POF1B: variants seen among roughly 807,000 people sequenced by gnomAD.
The protein encoded by POF1B is POF1B actin binding protein.
In POF1B, 53 loss-of-function variants were observed where a neutral mutation model predicts 55.3. That is an observed-to-expected ratio of 0.96 (90% CI 0.77 to 1.20). The LOEUF (loss-of-function observed/expected upper bound fraction) is 1.20, where lower values mean the gene tolerates loss of function less well. POF1B is among the 50% of genes most tolerant of loss of function. POF1B has a pLI of 0.00. For synonymous variants in POF1B, 188 were observed against 148.3 expected (o/e 1.27, Z -1.95); for missense variants, 478 against 420.5 (o/e 1.14, Z -1.20).
rs1931823260 is a variant in POF1B at position 85,278,347 on chromosome X, A to G, written c.*1074T>C. 1 of 111,369 alleles carries G rather than the reference A, an allele frequency of 9.0e-6. No individual in the cohort carries two copies. Among genetic ancestry groups the G allele is most frequent in the African/African-American group, 3.2e-5 (1 of 30,797 alleles). 9.2% of individuals were successfully genotyped at this position (111,369 alleles called of 1,213,427 possible). ...TTGTTGCCTTAATCTATACTTGGAC[A>G]AAGGCAACATTTTAATTTTTGCTAA... is the stretch of plus-strand genomic sequence containing the variant. On this transcript the variant is annotated 3_prime_UTR_variant, in exon 17 of 17. Transcript: ENST00000262753.
chrX:85,320,759 T>C (rs913028632), intron 7 of POF1B, among the ~76,000 whole-genome samples: 1 of 111,298 alleles, frequency 9.0e-6, no homozygotes, highest in African/African-American at 3.3e-5. Context: ...ATAAAGGGGA[T>C]ATTGCCACCA....
chrX:85,288,827 A>G (rs73234678), intron 15 of POF1B, among the ~76,000 whole-genome samples: 12,312 of 111,278 alleles, frequency 0.11, 569 homozygotes, highest in South Asian at 0.17. Flanking sequence ...GCTATGTGGA[A>G]CTGTTAAGTT....
intron 7 of POF1B, among the ~76,000 whole-genome samples, chrX:85,326,922 C>T (rs968108032): frequency 1.8e-5 from 2 of 110,357 alleles, no homozygotes; most frequent in Non-Finnish European, 3.8e-5. Flanking sequence ...TCTGGGGCCG[C>T]GGGAGAAGGC....
intron 15 of POF1B, among the ~76,000 whole-genome samples, chrX:85,291,295 A>G (rs762603368): frequency 1.8e-5 from 2 of 111,454 alleles, no homozygotes; most frequent in African/African-American, 6.5e-5. Flanking sequence ...TGGTCTATGT[A>G]TCTGTTCTTG....
At position 85,279,395 on chromosome X, in the gene POF1B, G is replaced by A; in HGVS notation, c.*26C>T. On this transcript the variant is annotated 3_prime_UTR_variant, in exon 17 of 17. Coordinates refer to ENST00000262753, the MANE Select transcript of POF1B (RefSeq NM_024921.4). The stretch of plus-strand genomic sequence containing the variant: ...ACACACAAAAAAAAAACGGCTTTGA[G>A]TTGTAATACTTTAAAGTGGATCCAT... 2 of 1,177,410 alleles carry A rather than the reference G, an allele frequency of 1.7e-6. No individual in the cohort carries two copies. The highest frequency in any genetic ancestry group is 3.5e-5 in the African/African-American group (2 of 56,423).
At chrX:85,350,481 T>C (rs1464436216) in intron 5 of POF1B, among the ~76,000 whole-genome samples, 12 of 103,603 alleles carry the variant, frequency 1.2e-4, no homozygotes, top group Non-Finnish European at 2.0e-4. Flanking sequence ...TGAATAGTGC[T>C]GCAATAAACA....
intron 9 of POF1B, among the ~76,000 whole-genome samples, chrX:85,308,670 G>GT (rs1002777120): frequency 4.5e-5 from 5 of 110,173 alleles, no homozygotes; most frequent in Non-Finnish European, 7.6e-5. Context: ...AATATTTTTG[G>GT]TTTTTTTTGT....
chrX:85,322,798 A>C (rs1314167063), intron 7 of POF1B, among the ~76,000 whole-genome samples: 1 of 111,978 alleles, frequency 8.9e-6, no homozygotes, highest in African/African-American at 3.3e-5. Context: ...ATGAACAGAC[A>C]CTTCTCAAAA....
chrX:85,369,227 T>A (rs2147950856), intron 2 of POF1B, among the ~76,000 whole-genome samples: 1 of 111,440 alleles, frequency 9.0e-6, no homozygotes, highest in East Asian at 2.8e-4. Context: ...ATGCAGAGAA[T>A]TACAGATTAT....
intron 6 of POF1B, among the ~76,000 whole-genome samples, chrX:85,342,576 C>T (rs898552965): frequency 2.7e-5 from 3 of 111,256 alleles, no homozygotes; most frequent in Non-Finnish European, 3.8e-5. Flanking sequence ...ACTGAGGTTC[C>T]GTCCAGCTAA....
Position 85,351,336 on chromosome X carries a change from A to C in POF1B, c.540+14T>G, listed in dbSNP as rs2089837611. The C allele has an allele frequency of 9.1e-7, 1 of 1,102,748 alleles. No homozygotes were observed. Among genetic ancestry groups the C allele is most frequent in the African/African-American group, 1.8e-5 (1 of 54,164 alleles). 90.9% of individuals were successfully genotyped at this position (1,102,748 alleles called of 1,213,427 possible). On this transcript the variant is annotated intron_variant, in intron 5 of 16. Transcript: ENST00000262753. ...TACACTTAAAAACAAGTTTTAAAAC[A>C]AAATATTACTTACCTGATCAGTATT...
chrX:85,328,298 G>A (rs183580535), intron 7 of POF1B, among the ~76,000 whole-genome samples: 3,574 of 108,029 alleles, frequency 0.033, 146 homozygotes, highest in African/African-American at 0.11. Flanking sequence ...TCCGCCTCCC[G>A]GGTTCACGTC....
intron 2 of POF1B, among the ~76,000 whole-genome samples, chrX:85,376,366 T>A (rs1339501507): frequency 8.9e-6 from 1 of 111,863 alleles, no homozygotes; most frequent in Non-Finnish European, 1.9e-5. Context: ...AAGATTGAAC[T>A]AAGAATTTTT....
At chrX:85,339,743 T>C (rs1191998705) in intron 6 of POF1B, among the ~76,000 whole-genome samples, 2 of 110,934 alleles carry the variant, frequency 1.8e-5, no homozygotes, top group African/African-American at 6.6e-5. Flanking sequence ...TATAAGTCAA[T>C]AGAATGGTAG....
chrX:85,319,964 A>C (rs1326092370), intron 7 of POF1B, among the ~76,000 whole-genome samples: 1 of 110,538 alleles, frequency 9.0e-6, no homozygotes, highest in Non-Finnish European at 1.9e-5. Context: ...TTCCTTATAC[A>C]TTTGGTAGAA....
At chrX:85,364,558 ATAATGTT>A (rs1189521954) in intron 3 of POF1B, among the ~76,000 whole-genome samples, 4 of 111,277 alleles carry the variant, frequency 3.6e-5, no homozygotes, top group African/African-American at 1.3e-4. Context: ...TTTTTCTTTA[ATAATGTT>A]GAATATAGGC....
intron 3 of POF1B, among the ~76,000 whole-genome samples, chrX:85,363,446 T>C (rs1319482267): frequency 8.9e-6 from 1 of 111,878 alleles, no homozygotes; most frequent in Non-Finnish European, 1.9e-5. Flanking sequence ...GTATGTTGTA[T>C]CTTTGTTCTC....
intron 15 of POF1B, among the ~76,000 whole-genome samples, chrX:85,284,280 T>G (rs1259874358): frequency 9.0e-6 from 1 of 111,585 alleles, no homozygotes; most frequent in African/African-American, 3.3e-5. Flanking sequence ...ACCAATGACT[T>G]TTTTCACAGA....
At chrX:85,350,570 A>T (rs1933361960) in intron 5 of POF1B, among the ~76,000 whole-genome samples, 2 of 110,963 alleles carry the variant, frequency 1.8e-5, no homozygotes, top group Admixed American at 1.9e-4. Context: ...GCTGGGTCAA[A>T]TGGTATTTCT....
Sources: gnomAD v4.1 joint callset for allele counts (sites outside exome capture counted in the v4.1 genomes callset) on GRCh38, gnomAD v4.1.1 for gene constraint, MANE v1.5 for transcripts, NCBI Gene and HGNC (gene_info 2026-07-23, HGNC 2026-07-21) for gene names.